The following CSMD3 variants were observed in gnomAD, a reference collection of about 807,000 sequenced individuals.
CSMD3 encodes the protein CUB and sushi domain-containing protein 3.
Under a neutral mutation model 435.2 loss-of-function variants are expected in CSMD3, and 177 were observed. The ratio of observed to expected loss-of-function variants is 0.41; its 90% CI spans 0.36 to 0.46. The LOEUF (loss-of-function observed/expected upper bound fraction) is 0.46, where lower values mean the gene tolerates loss of function less well. Ranked by LOEUF, CSMD3 falls within the 20% of genes least tolerant of loss-of-function variation. The pLI, the probability that CSMD3 is intolerant of heterozygous loss-of-function variation, is 0.34. For synonymous variants in CSMD3, 1,656 were observed against 1,520.5 expected (o/e 1.09, Z -2.07); for missense variants, 4,265 against 4,504.6 (o/e 0.95, Z 1.52).
chr8:113,436,932 C>G lies in CSMD3; in HGVS notation c.-78G>C. On this transcript the variant is annotated 5_prime_UTR_variant, in exon 1 of 71. Transcript: ENST00000297405. ...TGCTGTTGTTGGTGCGCGGTCACAG[C>G]TCGGAGTGAATGGTGTTTCTGGGAT... 1.3e-6 allele frequency: 2 copies of G among 1,506,790 alleles called. No individual in the cohort carries two copies. The highest frequency in any genetic ancestry group is 3.3e-5 in the Admixed American group (2 of 59,898). 93.3% of individuals were successfully genotyped at this position (1,506,790 alleles called of 1,614,324 possible).
chr8:113,358,160 T>C (rs1308249045), intron 1 of CSMD3, among the ~76,000 whole-genome samples: 2 of 152,212 alleles, frequency 1.3e-5, no homozygotes, highest in Non-Finnish European at 2.9e-5. Flanking sequence ...TATATGCAAA[T>C]AGCACAATAC....
chr8:113,226,244 A>C (rs924341358), intron 3 of CSMD3, among the ~76,000 whole-genome samples: 4 of 151,552 alleles, frequency 2.6e-5, no homozygotes, highest in African/African-American at 9.7e-5. Context: ...TATTTTCCTC[A>C]TAAGAAGGAG....
intron 1 of CSMD3, among the ~76,000 whole-genome samples, chr8:113,417,629 A>G (rs2094587978): frequency 6.6e-6 from 1 of 152,068 alleles, no homozygotes; most frequent in African/African-American, 2.4e-5. Flanking sequence ...GGAGAAATAA[A>G]TGTAACAGAA....
At position 112,337,702 on chromosome 8, in the gene CSMD3, G is replaced by A. The variant is rs368245391; in HGVS notation, c.6682C>T (p.Arg2228Cys). Residue 2228 changes from arginine (R) to cysteine (C), a missense_variant, in exon 43 of 71, where the codon CGC becomes TGC. This residue lies in a region of CSMD3 where 3,255 missense variants were observed against 3,380.2 expected (regional missense o/e 0.96). Coordinates refer to ENST00000297405, the MANE Select transcript of CSMD3 (RefSeq NM_198123.2). ...AYQLQSCPDPRPFRNGFVIGN... is the reference protein window; with the variant it reads ...AYQLQSCPDPCPFRNGFVIGN... ...ATTACAAAACCATTTCGAAACGGGCGTGGATCAGGACAGCTTTGCAACTGA... is the reference window on the plus strand; with the variant it reads ...ATTACAAAACCATTTCGAAACGGGCATGGATCAGGACAGCTTTGCAACTGA... 177 of 1,613,592 alleles carry A rather than the reference G, an allele frequency of 1.1e-4. No homozygotes were observed. The highest frequency in any genetic ancestry group is 2.5e-4 in the East Asian group (11 of 44,862).
chr8:113,306,446 C>T lies in CSMD3; in HGVS notation c.401+8125G>A, dbSNP rs796173992. Among the ~76,000 whole-genome samples, 21 of 152,214 alleles carry T rather than the reference C, an allele frequency of 1.4e-4. 1 individual carries two copies. Among genetic ancestry groups the T allele is most frequent in the African/African-American group, 4.8e-4 (20 of 41,542 alleles). ...GAGTTAAATCACTGGAGTGCACTGACATAAAATAAAACTACCCTCTGGTCA... is the reference window on the plus strand; with the variant it reads ...GAGTTAAATCACTGGAGTGCACTGATATAAAATAAAACTACCCTCTGGTCA... On this transcript the variant is annotated intron_variant, in intron 2 of 70. Coordinates refer to ENST00000297405, the MANE Select transcript of CSMD3 (RefSeq NM_198123.2).
intron 6 of CSMD3, among the ~76,000 whole-genome samples, chr8:113,015,830 G>C (rs1310264342): frequency 2.0e-5 from 3 of 151,708 alleles, no homozygotes; most frequent in Non-Finnish European, 4.4e-5. Context: ...GAAAAGAATA[G>C]AGTTTAGTTT....
At chr8:113,395,775 G>T (rs2094481041) in intron 1 of CSMD3, among the ~76,000 whole-genome samples, 1 of 152,084 alleles carries the variant, frequency 6.6e-6, no homozygotes, top group Non-Finnish European at 1.5e-5. Context: ...CATCGTTGCT[G>T]CTCCCTGATC....
chr8:112,258,268 A>G (rs1411890056), intron 61 of CSMD3, among the ~76,000 whole-genome samples: 2 of 152,220 alleles, frequency 1.3e-5, no homozygotes, highest in African/African-American at 2.4e-5. Flanking sequence ...ACAAAAGCCA[A>G]ATTTGACAAA....
chr8:112,446,995 G>T (rs1041016155), intron 32 of CSMD3, among the ~76,000 whole-genome samples: 1 of 151,978 alleles, frequency 6.6e-6, no homozygotes, highest in Non-Finnish European at 1.5e-5. Context: ...CATAGTTATT[G>T]TAATTAGATA....
intron 1 of CSMD3, among the ~76,000 whole-genome samples, chr8:113,339,360 G>A (rs1055442231): frequency 3.3e-5 from 5 of 151,834 alleles, no homozygotes; most frequent in Non-Finnish European, 5.9e-5. Flanking sequence ...AATACAAAAT[G>A]CCTATGGCCT....
chr8:112,313,415 T>C (rs1001986963), intron 49 of CSMD3, among the ~76,000 whole-genome samples: 3 of 152,158 alleles, frequency 2.0e-5, no homozygotes, highest in Non-Finnish European at 4.4e-5. Context: ...TTTTGACCTC[T>C]GTATGTTTAT....
intron 1 of CSMD3, among the ~76,000 whole-genome samples, chr8:113,336,575 G>A (rs1379884719): frequency 4.6e-5 from 7 of 152,044 alleles, no homozygotes; most frequent in Admixed American, 4.6e-4. Context: ...CTTTTTCTGA[G>A]TCTACCCCAG....
intron 45 of CSMD3, among the ~76,000 whole-genome samples, chr8:112,325,565 C>T (rs933466600): frequency 2.0e-5 from 3 of 151,900 alleles, no homozygotes; most frequent in African/African-American, 4.8e-5. Flanking sequence ...GGGCATAATC[C>T]AGTGTTCAGC....
intron 13 of CSMD3, among the ~76,000 whole-genome samples, chr8:112,756,268 A>G (rs1439123619): frequency 1.3e-5 from 2 of 152,164 alleles, no homozygotes; most frequent in East Asian, 3.9e-4. Flanking sequence ...TAAACTTGCA[A>G]AGGGTTGATT....
chr8:112,576,019 T>C (rs1829912727), intron 23 of CSMD3, among the ~76,000 whole-genome samples: 1 of 151,818 alleles, frequency 6.6e-6, no homozygotes, highest in Non-Finnish European at 1.5e-5. Flanking sequence ...CTCACCAACA[T>C]ATAATTTAAT....
At chr8:112,477,397 T>C (rs1370721162) in intron 31 of CSMD3, among the ~76,000 whole-genome samples, 1 of 152,186 alleles carries the variant, frequency 6.6e-6, no homozygotes, top group African/African-American at 2.4e-5. Flanking sequence ...ACCAAGCCCA[T>C]AGTAGCAAAT....
At chr8:113,112,476 C>CGT (rs772369251) in intron 4 of CSMD3, among the ~76,000 whole-genome samples, 486 of 13,566 alleles carry the variant, frequency 0.036, 27 homozygotes, top group East Asian at 0.2. Flanking sequence ...CACACACGTA[C>CGT]ACACACACAC....
chr8:112,824,347 G>A (rs190154296), intron 12 of CSMD3, among the ~76,000 whole-genome samples: 3 of 152,256 alleles, frequency 2.0e-5, no homozygotes, highest in Non-Finnish European at 4.4e-5. Flanking sequence ...CTGTCATCAT[G>A]ACGCTATCTG....
At chr8:112,450,482 C>A (rs962821969) in intron 32 of CSMD3, among the ~76,000 whole-genome samples, 1 of 152,132 alleles carries the variant, frequency 6.6e-6, no homozygotes, top group African/African-American at 2.4e-5. Context: ...ACCTACTTGG[C>A]ACATGTAGTA....
Sources: gnomAD v4.1 joint callset for allele counts (sites outside exome capture counted in the v4.1 genomes callset) on GRCh38, gnomAD v4.1.1 for gene constraint, gnomAD v4.1.1 regional missense constraint, MANE v1.5 for transcripts, NCBI Gene and HGNC (gene_info 2026-07-23, HGNC 2026-07-21) for gene names.